MAP3K9: variants seen among roughly 807,000 people sequenced by gnomAD.
The protein encoded by MAP3K9 is mitogen-activated protein kinase kinase kinase 9.
A neutral mutation model predicts 95.8 loss-of-function variants in MAP3K9; 46 were observed. The ratio of observed to expected loss-of-function variants is 0.48; its 90% CI spans 0.38 to 0.61. The LOEUF (loss-of-function observed/expected upper bound fraction) is 0.61, where lower values mean the gene tolerates loss of function less well. Ranked by LOEUF, MAP3K9 falls within the 20% of genes least tolerant of loss-of-function variation. The pLI is 0.00. For missense variants in MAP3K9, 1,296 were observed against 1,474.3 expected (o/e 0.88, Z 1.98); for synonymous variants, 533 against 593.8 (o/e 0.90, Z 1.49).
chr14:70,789,912 G>A (rs115388559), intron 2 of MAP3K9, among the ~76,000 whole-genome samples: 1,824 of 152,200 alleles, frequency 0.012, 46 homozygotes, highest in African/African-American at 0.042. Context: ...AATTAAAGTC[G>A]CCTAAGTGAC....
chr14:70,742,918 TATATA>T (rs1457846275), intron 5 of MAP3K9, among the ~76,000 whole-genome samples: 1 of 84,706 alleles, frequency 1.2e-5, no homozygotes, highest in East Asian at 2.1e-4. Context: ...TATTTATATA[TATATA>T]TATATATATA....
intron 3 of MAP3K9, among the ~76,000 whole-genome samples, chr14:70,756,242 T>A (rs2054297216): frequency 1.3e-5 from 2 of 152,180 alleles, no homozygotes; most frequent in Admixed American, 1.3e-4. Context: ...CGAAGGTACT[T>A]GGATACATGA....
chr14:70,737,219 T>C (rs1466294361), intron 8 of MAP3K9, among the ~76,000 whole-genome samples: 1 of 152,174 alleles, frequency 6.6e-6, no homozygotes, highest in Non-Finnish European at 1.5e-5. Flanking sequence ...AAGCAGGAAG[T>C]GTCATCACAG....
chr14:70,781,405 C>G (rs2054674470), intron 2 of MAP3K9, among the ~76,000 whole-genome samples: 1 of 152,230 alleles, frequency 6.6e-6, no homozygotes, highest in African/African-American at 2.4e-5. Context: ...CCTCCCCTAG[C>G]CTTCAAGTCT....
chr14:70,763,386 C>T (rs568576602), intron 2 of MAP3K9, among the ~76,000 whole-genome samples: 5 of 152,292 alleles, frequency 3.3e-5, no homozygotes, highest in African/African-American at 1.2e-4. Context: ...TGTCATGGCA[C>T]CATGTATTCT....
chr14:70,809,092 G>A lies in MAP3K9; in HGVS notation c.80C>T (p.Ala27Val), dbSNP rs1427244393. Residue 27 changes from alanine to valine, a missense_variant, in exon 1 of 12, where the codon GCC becomes GTC. This residue lies in a region of MAP3K9 where 338 missense variants were observed against 363.4 expected (regional missense o/e 0.93). Transcript: ENST00000554752. ...CTCCTCCTCCTCCTCCTCGGCCCCG[G>A]CCCCTGCTCCATCCTCCCCCGGCGG... ...AAPPGEDGAG[A>V]GAEEEEEEEE... 2.1e-6 allele frequency: 3 copies of A among 1,407,290 alleles called. No homozygotes were observed. The highest frequency in any genetic ancestry group is 2.8e-6 in the Non-Finnish European group (3 of 1,089,914). The allele number at this position is 1,407,290 out of a possible 1,614,324, so 87.2% of individuals were successfully genotyped here. A position where few individuals can be genotyped will look rare whatever the true frequency, so the allele number is the denominator to read the frequency against.
chr14:70,799,769 G>A (rs1328133151), intron 2 of MAP3K9, among the ~76,000 whole-genome samples: 1 of 152,222 alleles, frequency 6.6e-6, no homozygotes, highest in Non-Finnish European at 1.5e-5. Context: ...TGCAAAGAGA[G>A]TGAAGTCCCT....
chr14:70,785,575 C>T (rs146113895), intron 2 of MAP3K9, among the ~76,000 whole-genome samples: 122 of 152,162 alleles, frequency 8.0e-4, no homozygotes, highest in African/African-American at 2.6e-3. Context: ...AGATGAAGTG[C>T]GCGGTAGATG....
intron 3 of MAP3K9, among the ~76,000 whole-genome samples, chr14:70,750,872 CT>C (rs1409576066): frequency 6.6e-6 from 1 of 152,160 alleles, no homozygotes; most frequent in East Asian, 1.9e-4. Context: ...AAAACTTCAG[CT>C]TTTGTCACAG....
intron 2 of MAP3K9, among the ~76,000 whole-genome samples, chr14:70,774,058 T>G (rs1462964240): frequency 6.6e-6 from 1 of 152,230 alleles, no homozygotes; most frequent in Non-Finnish European, 1.5e-5. Flanking sequence ...AAGATTTGGA[T>G]AGCCTCTCCA....
chr14:70,728,098 A>T lies in MAP3K9; in HGVS notation c.*2282T>A, dbSNP rs1003372753. On this transcript the variant is annotated 3_prime_UTR_variant, in exon 12 of 12. Coordinates refer to ENST00000554752, the MANE Select transcript of MAP3K9 (RefSeq NM_001284230.2). ...AGGTTATGGAGGGCCCGGGGGAAGGAGGCCACAGAACAGACTTTTTTTTTT... is the reference window on the plus strand; with the variant it reads ...AGGTTATGGAGGGCCCGGGGGAAGGTGGCCACAGAACAGACTTTTTTTTTT... 7.6e-6 allele frequency: 1 copy of T among 130,804 alleles called. No individual in the cohort carries two copies. Among genetic ancestry groups the T allele is most frequent in the African/African-American group, 2.8e-5 (1 of 35,616 alleles). 8.1% of individuals were successfully genotyped at this position (130,804 alleles called of 1,614,324 possible). A position where few individuals can be genotyped will look rare whatever the true frequency, so the allele number is the denominator to read the frequency against.
At chr14:70,791,332 CA>C (rs2054804843) in intron 2 of MAP3K9, among the ~76,000 whole-genome samples, 1 of 152,198 alleles carries the variant, frequency 6.6e-6, no homozygotes, top group Admixed American at 6.5e-5. Flanking sequence ...AACTCCAGCA[CA>C]GCATTATGAG....
In MAP3K9 at chr14:70,773,979, C is replaced by T. The variant is rs373010380; in HGVS notation, c.821-12797G>A. 5.1e-4 allele frequency among the ~76,000 whole-genome samples: 78 copies of T among 152,284 alleles called. 1 individual carries two copies. The South Asian group carries it at 0.015, about 29-fold the overall frequency. On this transcript the variant is annotated intron_variant, in intron 2 of 11. Coordinates refer to ENST00000554752, the MANE Select transcript of MAP3K9 (RefSeq NM_001284230.2). Reference sequence around the variant, plus strand: ...ATTACTACAGCAAAACAGACACAGACATATCAAAATTGCAAATCTAAACCA... The same window carrying T: ...ATTACTACAGCAAAACAGACACAGATATATCAAAATTGCAAATCTAAACCA...
chr14:70,733,358 G>A lies in MAP3K9; in HGVS notation c.2027-16C>T. 9.0e-7 allele frequency: 1 copy of A among 1,106,324 alleles called. No individual in the cohort carries two copies. The highest frequency in any genetic ancestry group is 1.3e-6 in the Non-Finnish European group (1 of 764,116). The allele number at this position is 1,106,324 out of a possible 1,614,324, so 68.5% of individuals were successfully genotyped here. ...TCCTCATCCTCTGTGAAGATGACAA[G>A]AGTGGAAGAGAAACAGGAAATGGAA... On this transcript the variant is annotated splice_polypyrimidine_tract_variant and intron_variant, in intron 10 of 11. Coordinates refer to ENST00000554752, the MANE Select transcript of MAP3K9 (RefSeq NM_001284230.2).
chr14:70,793,663 C>A lies in MAP3K9; in HGVS notation c.820+7004G>T, dbSNP rs547583267. On this transcript the variant is annotated intron_variant, in intron 2 of 11. Transcript: ENST00000554752. ...CAGTTCACATGATATTTCATTCATTCATTCATTCATTCATTCATTCCTTTT... is the reference window on the plus strand; with the variant it reads ...CAGTTCACATGATATTTCATTCATTAATTCATTCATTCATTCATTCCTTTT... Among the ~76,000 whole-genome samples, 5 of 152,116 alleles carry A rather than the reference C, an allele frequency of 3.3e-5. No homozygotes were observed. In the South Asian group the frequency reaches 1.0e-3, roughly 32 times the overall value.
intron 4 of MAP3K9, 49 bp downstream of exon 4, chr14:70,749,884 T>A: frequency 6.2e-7 from 1 of 1,611,836 alleles, no homozygotes; most frequent in Non-Finnish European, 8.5e-7. Context: ...ACCCAGTGCT[T>A]ACAAGAGGCA....
chr14:70,798,217 T>C (rs1243089665), intron 2 of MAP3K9, among the ~76,000 whole-genome samples: 1 of 152,198 alleles, frequency 6.6e-6, no homozygotes, highest in Non-Finnish European at 1.5e-5. Flanking sequence ...GGTAAAAACG[T>C]GTATGAAGAG....
At chr14:70,746,317 A>G (rs1386395734) in intron 5 of MAP3K9, among the ~76,000 whole-genome samples, 1 of 152,248 alleles carries the variant, frequency 6.6e-6, no homozygotes, top group Admixed American at 6.5e-5. Context: ...AGGGTAAATG[A>G]GGAAACTTGT....
chr14:70,725,453 G>C lies in MAP3K9; in HGVS notation c.*4927C>G, dbSNP rs2053807956. Reference sequence around the variant, plus strand: ...GTCCCGGGCTGAGTCATGATAATTAGGCACCTAAACCCTGTTAATTAGCCT... The same window carrying C: ...GTCCCGGGCTGAGTCATGATAATTACGCACCTAAACCCTGTTAATTAGCCT... On this transcript the variant is annotated 3_prime_UTR_variant, in exon 12 of 12. Transcript: ENST00000554752. 1 of 152,196 alleles carries C rather than the reference G, an allele frequency of 6.6e-6. No individual in the cohort carries two copies. The highest frequency in any genetic ancestry group is 6.5e-5 in the Admixed American group (1 of 15,284). The allele number at this position is 152,196 out of a possible 1,614,324, so 9.4% of individuals were successfully genotyped here.
Sources: gnomAD v4.1 joint callset for allele counts (sites outside exome capture counted in the v4.1 genomes callset) on GRCh38, gnomAD v4.1.1 for gene constraint, gnomAD v4.1.1 regional missense constraint, MANE v1.5 for transcripts, NCBI Gene and HGNC (gene_info 2026-07-23, HGNC 2026-07-21) for gene names.